Variants in RIPOR1 observed in about 807,000 individuals in gnomAD.
The protein encoded by RIPOR1 is rho family-interacting cell polarization regulator 1.
In RIPOR1, 58 loss-of-function variants were observed where a neutral mutation model predicts 116.5. The ratio of observed to expected loss-of-function variants is 0.50; its 90% confidence interval spans 0.40 to 0.62. The LOEUF is 0.62. RIPOR1 is among the 20% of genes least tolerant of loss of function. The probability of loss-of-function intolerance (pLI) is 0.00; values close to 1 mark genes in which losing one functional copy is unlikely to be tolerated. For synonymous variants in RIPOR1, 605 were observed against 650.0 expected, an observed-to-expected ratio of 0.93 and a Z score of 1.05; for missense variants, 1,372 against 1,586.2, an observed-to-expected ratio of 0.86 and a Z score of 2.29.
chr16:67,541,715 C>A lies in RIPOR1; in HGVS notation c.1013C>A (p.Thr338Asn). The A allele has an allele frequency of 6.2e-7, 1 of 1,614,088 alleles. No individual in the cohort carries two copies. The highest frequency in any genetic ancestry group is 8.5e-7 in the Non-Finnish European group (1 of 1,179,980). ...ASSVNKASTV[T>N]KRFSTYSQSP... ...TCTGTCAACAAGGCCTCCACAGTCA[C>A]CAAGCGCTTCTCCACCTATAGCCAG... The change falls in exon 12 of 22, where the codon ACC (threonine) becomes AAC (asparagine). Residue 338 changes from threonine to asparagine, a missense_variant. Thr to Asn is a moderately conservative substitution (Grantham distance 65). Around this residue, in one of 3 missense-constraint regions of RIPOR1, gnomAD observed 1,005 missense variants for 1,144.7 expected, o/e 0.88. Coordinates refer to ENST00000042381, the MANE Select transcript of RIPOR1 (RefSeq NM_024519.4). The surrounding 1 kb of genome is among the most constrained non-coding windows in gnomAD (Gnocchi z 4.6).
intron 1 of RIPOR1, among the ~76,000 whole-genome samples, chr16:67,534,067 G>T (rs1188826191): frequency 6.8e-6 from 1 of 146,496 alleles, no homozygotes; most frequent in Non-Finnish European, 1.5e-5. Context: ...TGATCCACCT[G>T]CCTCGGCCTC....
chr16:67,531,543 G>A lies in RIPOR1; in HGVS notation c.-24+2629G>A. The A allele has an allele frequency of 2.3e-6, 1 of 443,870 alleles. No individual in the cohort carries two copies. The highest frequency in any genetic ancestry group is 4.5e-6 in the Non-Finnish European group (1 of 221,146). 27.5% of individuals were successfully genotyped at this position (443,870 alleles called of 1,614,324 possible). ...GAGGAAGAAGTCATAGGGTAGACTT[G>A]AGGAAGGAGAGGGACTTGGGGCTGA... On this transcript the variant is annotated intron_variant, in intron 1 of 21. Coordinates refer to ENST00000042381, the MANE Select transcript of RIPOR1 (RefSeq NM_024519.4). The surrounding 1 kb of genome is among the most constrained non-coding windows in gnomAD (Gnocchi z 4.2).
At position 67,541,796 on chromosome 16, in the gene RIPOR1, C is replaced by T. The variant is rs993724406; in HGVS notation, c.1080+14C>T. The T allele has an allele frequency of 6.8e-6, 11 of 1,613,966 alleles. No homozygotes were observed. The highest frequency in any genetic ancestry group is 4.0e-5 in the African/African-American group (3 of 74,910). Reference sequence around the variant, plus strand: ...CAGGCTTTCTATGTGAGTCATAGCCCAGGTCCAGGCCTCACCATCCCCCAG... The same window carrying T: ...CAGGCTTTCTATGTGAGTCATAGCCTAGGTCCAGGCCTCACCATCCCCCAG... On this transcript the variant is annotated intron_variant, in intron 12 of 21. Coordinates refer to ENST00000042381, the MANE Select transcript of RIPOR1 (RefSeq NM_024519.4). The surrounding 1 kb of genome is among the most constrained non-coding windows in gnomAD (Gnocchi z 4.6).
At chr16:67,526,210 T>C (rs545622954), upstream of RIPOR1, among the ~76,000 whole-genome samples, 1 of 152,228 alleles carries the variant, frequency 6.6e-6, no homozygotes, top group Non-Finnish European at 1.5e-5. Context: ...TCTGAGCTGT[T>C]TTCCAAGTGG....
chr16:67,542,336 C>T lies in RIPOR1; in HGVS notation c.1550C>T (p.Thr517Ile). The change falls in exon 13 of 22, where the codon ACA (threonine) becomes ATA (isoleucine). Residue 517 changes from threonine to isoleucine, a missense_variant. By Grantham distance (89) the Thr-to-Ile change is moderately conservative (BLOSUM62 -1). This residue lies in a region of RIPOR1 where 1,005 missense variants were observed against 1,144.7 expected (regional missense o/e 0.88). Coordinates refer to ENST00000042381, the MANE Select transcript of RIPOR1 (RefSeq NM_024519.4). This position sits in a 1 kb window ranked among gnomAD's most constrained non-coding sequence, Gnocchi z 4.6. Reference protein sequence around the residue: ...STLGTTGSVPTSTDPAPSAHL... With the variant: ...STLGTTGSVPISTDPAPSAHL... Reference sequence around the variant, plus strand: ...CTCGGTACAACAGGCTCTGTCCCCACATCTACAGACCCTGCCCCATCTGCA... The same window carrying T: ...CTCGGTACAACAGGCTCTGTCCCCATATCTACAGACCCTGCCCCATCTGCA... 6.2e-7 allele frequency: 1 copy of T among 1,613,938 alleles called. No homozygotes were observed. Among genetic ancestry groups the T allele is most frequent in the Middle Eastern group, 1.6e-4 (1 of 6,062 alleles).
Position 67,529,848 on chromosome 16 carries a change from A to T in RIPOR1, c.-24+934A>T. The stretch of plus-strand genomic sequence containing the variant: ...ATGACCATCTGGCAGATGCAGAAAC[A>T]GGCCCAGAGAGGTTAGTAGTATTCT... On this transcript the variant is annotated intron_variant, in intron 1 of 21. Coordinates refer to ENST00000042381, the MANE Select transcript of RIPOR1 (RefSeq NM_024519.4). This position sits in a 1 kb window ranked among gnomAD's most constrained non-coding sequence, Gnocchi z 4.1. 1 of 1,527,848 alleles carries T rather than the reference A, an allele frequency of 6.5e-7. No homozygotes were observed. The highest frequency in any genetic ancestry group is 8.8e-7 in the Non-Finnish European group (1 of 1,139,392). The allele number at this position is 1,527,848 out of a possible 1,614,324, so 94.6% of individuals were successfully genotyped here.
chr16:67,522,191 A>ATTTTT (rs34835336), intron 1 of RIPOR1, among the ~76,000 whole-genome samples: 773 of 71,314 alleles, frequency 0.011, 78 homozygotes, highest in African/African-American at 0.016. Flanking sequence ...CCACGCCCAG[A>ATTTTT]TTTTTTTTTT....
intron 1 of RIPOR1, among the ~76,000 whole-genome samples, chr16:67,533,708 T>C (rs868042006): frequency 2.0e-5 from 3 of 151,306 alleles, no homozygotes; most frequent in Middle Eastern, 6.9e-3. Context: ...AAAATGCAGG[T>C]AGACATCTCT....
In RIPOR1 at chr16:67,540,378, G is replaced by A; in HGVS notation, c.631+15G>A. 1 of 1,614,102 alleles carries A rather than the reference G, an allele frequency of 6.2e-7. No individual in the cohort carries two copies. Among genetic ancestry groups the A allele is most frequent in the Non-Finnish European group, 8.5e-7 (1 of 1,180,006 alleles). ...CCGAATGAAAGGTACTGAGTTGTGGGGGCAGGTGGGGGGCTGGAGGGAGTA... is the reference window on the plus strand; with the variant it reads ...CCGAATGAAAGGTACTGAGTTGTGGAGGCAGGTGGGGGGCTGGAGGGAGTA... On this transcript the variant is annotated intron_variant, in intron 8 of 21. Coordinates refer to ENST00000042381, the MANE Select transcript of RIPOR1 (RefSeq NM_024519.4). The surrounding 1 kb of genome is among the most constrained non-coding windows in gnomAD (Gnocchi z 4.7).
In RIPOR1 at chr16:67,544,564, C is replaced by G. The variant is rs144687542; in HGVS notation, c.2734-131C>G. The G allele has an allele frequency of 6.5e-7, 1 of 1,537,650 alleles. No homozygotes were observed. The highest frequency in any genetic ancestry group is 8.8e-7 in the Non-Finnish European group (1 of 1,133,958). On this transcript the variant is annotated intron_variant, in intron 15 of 21. Transcript: ENST00000042381. The surrounding 1 kb of genome is among the most constrained non-coding windows in gnomAD (Gnocchi z 5.1). ...GCCCCAGGGCCCTTGGCATCTGGCC[C>G]TTGCTGAATGGAGTATCTCCCAACT...
At position 67,543,534 on chromosome 16, in the gene RIPOR1, G is replaced by T; in HGVS notation, c.2600+65G>T. 2 of 1,536,900 alleles carry T rather than the reference G, an allele frequency of 1.3e-6. No individual in the cohort carries two copies. The highest frequency in any genetic ancestry group is 1.7e-6 in the Non-Finnish European group (2 of 1,145,086). On this transcript the variant is annotated intron_variant, in intron 14 of 21. Coordinates refer to ENST00000042381, the MANE Select transcript of RIPOR1 (RefSeq NM_024519.4). This position sits in a 1 kb window ranked among gnomAD's most constrained non-coding sequence, Gnocchi z 4.7. Reference sequence around the variant, plus strand: ...AGGGAAAAGGTGAGGCAGGACCAGGGGAAGGTGGAACAGGTGAATTGGGAG... The same window carrying T: ...AGGGAAAAGGTGAGGCAGGACCAGGTGAAGGTGGAACAGGTGAATTGGGAG...
intron 1 of RIPOR1, among the ~76,000 whole-genome samples, chr16:67,535,691 A>G (rs756437141): frequency 7.9e-5 from 12 of 152,074 alleles, no homozygotes; most frequent in Non-Finnish European, 1.5e-4. Flanking sequence ...GGTCTCAGGT[A>G]AAAGGCAGGT....
rs201817788 is a variant in RIPOR1 at position 67,539,835 on chromosome 16, C to T, written c.361-11C>T. ...GGGCCTCAGGCCCCTCCTGACCCAC[C>T]TCTCCCCCAGCAAGTCAAGTCCATT... On this transcript the variant is annotated splice_polypyrimidine_tract_variant and intron_variant, in intron 5 of 21. Coordinates refer to ENST00000042381, the MANE Select transcript of RIPOR1 (RefSeq NM_024519.4). 2.5e-6 allele frequency: 4 copies of T among 1,614,166 alleles called. No individual in the cohort carries two copies. Among genetic ancestry groups the T allele is most frequent in the Middle Eastern group, 1.6e-4 (1 of 6,062 alleles).
chr16:67,521,773 AC>A (rs1474460223), intron 1 of RIPOR1, among the ~76,000 whole-genome samples: 1 of 151,936 alleles, frequency 6.6e-6, no homozygotes, highest in African/African-American at 2.4e-5. Context: ...AGAAATTTAC[AC>A]CTCCTCAGTG....
At position 67,540,519 on chromosome 16, in the gene RIPOR1, G is replaced by C. The variant is rs369172714; in HGVS notation, c.675+18G>C. ...AGTATGAGGTATGAGAATGTGCAGG[G>C]AAGGGCTGGGTCGGTAGGGTCCCAA... On this transcript the variant is annotated intron_variant, in intron 9 of 21. Coordinates refer to ENST00000042381, the MANE Select transcript of RIPOR1 (RefSeq NM_024519.4). The surrounding 1 kb of genome is among the most constrained non-coding windows in gnomAD (Gnocchi z 4.7). 60 of 1,614,036 alleles carry C rather than the reference G, an allele frequency of 3.7e-5. No individual in the cohort carries two copies. The African/African-American group carries it at 6.3e-4, about 17-fold the overall frequency.
At chr16:67,522,159 C>T (rs1342678699) in intron 1 of RIPOR1, among the ~76,000 whole-genome samples, 1 of 144,616 alleles carries the variant, frequency 6.9e-6, no homozygotes, top group East Asian at 2.0e-4. Context: ...TCCCGAGTAG[C>T]TGAGACTACA....
At chr16:67,524,574 C>T (rs1456446676), upstream of RIPOR1, among the ~76,000 whole-genome samples, 1 of 152,176 alleles carries the variant, frequency 6.6e-6, no homozygotes, top group East Asian at 1.9e-4. Flanking sequence ...CCCTCAGATG[C>T]CACCTGCCCA....
chr16:67,528,770 G>A (rs1057486363), upstream of RIPOR1: 1 of 150,804 alleles, frequency 6.6e-6, no homozygotes, highest in African/African-American at 2.4e-5. Context: ...GGTGGGGCCC[G>A]GCGGGCCAGG....
rs770790391 is a variant in RIPOR1 at position 67,545,148 on chromosome 16, G to C, written c.3031+31G>C. 4 of 1,604,778 alleles carry C rather than the reference G, an allele frequency of 2.5e-6. No individual in the cohort carries two copies. The highest frequency in any genetic ancestry group is 3.4e-6 in the Non-Finnish European group (4 of 1,176,976). On this transcript the variant is annotated intron_variant, in intron 17 of 21. Coordinates refer to ENST00000042381, the MANE Select transcript of RIPOR1 (RefSeq NM_024519.4). This position sits in a 1 kb window ranked among gnomAD's most constrained non-coding sequence, Gnocchi z 4.8. ...TGGGCTGCTTCCTCCTTCCACCCTT[G>C]CTCAGATTCCCAGTGACAGGAAGCT...
Sources: allele counts gnomAD v4.1 joint callset (sites outside exome capture counted in the v4.1 genomes callset), GRCh38; gene constraint gnomAD v4.1.1; regional missense constraint gnomAD v4.1.1; non-coding constraint Gnocchi (gnomAD v3.1); transcripts MANE v1.5; gene names NCBI Gene and HGNC (gene_info 2026-07-23, HGNC 2026-07-21).